Variants in ZSWIM5 observed in about 807,000 individuals in gnomAD.
The protein encoded by ZSWIM5 is zinc finger SWIM-type containing 5.
In ZSWIM5, 55 loss-of-function variants were observed where a neutral mutation model predicts 119.6. The ratio of observed to expected loss-of-function variants is 0.46; its 90% CI spans 0.37 to 0.58. The LOEUF (loss-of-function observed/expected upper bound fraction) is 0.58, where lower values mean the gene tolerates loss of function less well. Ranked by LOEUF, ZSWIM5 falls within the 20% of genes least tolerant of loss-of-function variation. ZSWIM5 has a pLI of 0.00. For missense variants in ZSWIM5, 1,193 were observed against 1,512.8 expected, an observed-to-expected ratio of 0.79 and a Z score of 3.51; for synonymous variants, 537 against 606.9, an observed-to-expected ratio of 0.88 and a Z score of 1.69.
chr1:45,035,899 C>A, intron 9 of ZSWIM5, 76 bp from the exon 10 acceptor site: 1 of 1,587,990 alleles, frequency 6.3e-7, no homozygotes, highest in South Asian at 1.1e-5. Flanking sequence ...CCCAGTATCT[C>A]ATGCATGTTT....
chr1:45,139,682 T>C (rs1038675562), intron 1 of ZSWIM5, among the ~76,000 whole-genome samples: 4 of 150,604 alleles, frequency 2.7e-5, no homozygotes, highest in African/African-American at 7.3e-5. Context: ...TTTCCTTCTT[T>C]TGCTTTCTTC....
chr1:45,107,819 T>C (rs1645491420), intron 1 of ZSWIM5, among the ~76,000 whole-genome samples: 1 of 151,814 alleles, frequency 6.6e-6, no homozygotes, highest in Non-Finnish European at 1.5e-5. Flanking sequence ...TGAGACAGGG[T>C]CTTGCTATGT....
intron 1 of ZSWIM5, among the ~76,000 whole-genome samples, chr1:45,128,486 A>G (rs1187190633): frequency 6.6e-6 from 1 of 152,176 alleles, no homozygotes; most frequent in Non-Finnish European, 1.5e-5. Context: ...GGTGTATGCC[A>G]CCGCCCCTGG....
chr1:45,091,380 C>T (rs953631538), intron 1 of ZSWIM5, among the ~76,000 whole-genome samples: 3 of 151,310 alleles, frequency 2.0e-5, no homozygotes, highest in Non-Finnish European at 2.9e-5. Flanking sequence ...GCCCCTGAGT[C>T]TAAAGGTGGC....
chr1:45,154,750 CA>C (rs1316725190), intron 1 of ZSWIM5, among the ~76,000 whole-genome samples: 1 of 152,092 alleles, frequency 6.6e-6, no homozygotes, highest in African/African-American at 2.4e-5. Context: ...GGCATGATGG[CA>C]GGCACCTGTA....
chr1:45,100,799 A>T (rs1176426561), intron 1 of ZSWIM5, among the ~76,000 whole-genome samples: 3 of 152,230 alleles, frequency 2.0e-5, no homozygotes, highest in Non-Finnish European at 4.4e-5. Flanking sequence ...AGAAATGGGG[A>T]AAGGATTCCC....
At chr1:45,153,518 A>C (rs1342085462) in intron 1 of ZSWIM5, among the ~76,000 whole-genome samples, 1 of 151,638 alleles carries the variant, frequency 6.6e-6, no homozygotes, top group Non-Finnish European at 1.5e-5. Flanking sequence ...AAAAAAAAAA[A>C]AGAATTAAAA....
In ZSWIM5 at chr1:45,088,882, T is replaced by A. The variant is rs1056237573; in HGVS notation, c.596-645A>T. On this transcript the variant is annotated intron_variant, in intron 1 of 13. Coordinates refer to ENST00000359600, the MANE Select transcript of ZSWIM5 (RefSeq NM_020883.2). The surrounding 1 kb of genome is among the most constrained non-coding windows in gnomAD (Gnocchi z 4.2). The stretch of plus-strand genomic sequence containing the variant: ...GCACACAGTAACAATAATTTTGAAA[T>A]GTAGGGAGAACCCATTTTTAACGTA... Among the ~76,000 whole-genome samples, 1 of 152,158 alleles carries A rather than the reference T, an allele frequency of 6.6e-6. No individual in the cohort carries two copies. The highest frequency in any genetic ancestry group is 1.5e-5 in the Non-Finnish European group (1 of 67,964).
chr1:45,068,141 T>A (rs1325545966), intron 2 of ZSWIM5, among the ~76,000 whole-genome samples: 1 of 148,612 alleles, frequency 6.7e-6, no homozygotes. Context: ...CTTACTCTAT[T>A]GCCCAGGCTG....
intron 1 of ZSWIM5, among the ~76,000 whole-genome samples, chr1:45,158,465 G>A (rs913950427): frequency 5.9e-5 from 9 of 152,060 alleles, no homozygotes; most frequent in Admixed American, 2.0e-4. Context: ...CATCGTGCCT[G>A]GTCTGAACTA....
intron 1 of ZSWIM5, among the ~76,000 whole-genome samples, chr1:45,143,100 A>C (rs1278662053): frequency 2.1e-5 from 3 of 145,130 alleles, no homozygotes; most frequent in Non-Finnish European, 4.5e-5. Flanking sequence ...TACACCTGGG[A>C]GGCAGAGGTT....
intron 4 of ZSWIM5, among the ~76,000 whole-genome samples, chr1:45,053,048 G>A (rs11801715): frequency 0.018 from 2,760 of 150,990 alleles, 86 homozygotes; most frequent in African/African-American, 0.064. Context: ...GGTTGAATCT[G>A]GGAGGCGGAG....
At chr1:45,053,950 CTG>C (rs1244376195) in intron 4 of ZSWIM5, among the ~76,000 whole-genome samples, 4 of 152,018 alleles carry the variant, frequency 2.6e-5, no homozygotes, top group Non-Finnish European at 2.9e-5. Context: ...ACTCACAAGA[CTG>C]TTATCAGTAT....
At chr1:45,163,465 C>T (rs1645877955) in intron 1 of ZSWIM5, among the ~76,000 whole-genome samples, 1 of 152,194 alleles carries the variant, frequency 6.6e-6, no homozygotes, top group Admixed American at 6.5e-5. Flanking sequence ...CAAAGCTAGA[C>T]AGAGAATGAC....
chr1:45,034,433 G>A lies in ZSWIM5; in HGVS notation c.2328C>T (p.Asp776=). The A allele has an allele frequency of 6.2e-7, 1 of 1,610,988 alleles. No individual in the cohort carries two copies. Among genetic ancestry groups the A allele is most frequent in the Non-Finnish European group, 8.5e-7 (1 of 1,178,914 alleles). ...PVLENSASAG[D]TSHPHHMVSV... ...ACACCATATGGTGAGGGTGGGATGT[G>A]TCGCCTGCAGAAGCTGAGTTTTCTA... The change falls in exon 11 of 14, where the codon GAC becomes GAT. Residue 776 remains aspartate (D), a synonymous_variant. Transcript: ENST00000359600.
chr1:45,131,661 G>A (rs1180178889), intron 1 of ZSWIM5, among the ~76,000 whole-genome samples: 2 of 148,942 alleles, frequency 1.3e-5, no homozygotes, highest in East Asian at 4.0e-4. Context: ...AGAGGTGGAG[G>A]TTGCAGTGAG....
Position 45,019,342 on chromosome 1 carries a change from C to T in ZSWIM5, c.2696-26G>A, listed in dbSNP as rs149693490. The T allele has an allele frequency of 3.0e-5, 48 of 1,591,952 alleles. No homozygotes were observed. Among genetic ancestry groups the T allele is most frequent in the Non-Finnish European group, 3.8e-5 (45 of 1,171,524 alleles). ...CTGTCAGGGGGAGCCTGAGCTCAGCCGTGGCCATCTGGGTCCTGATTCAGG... is the reference window on the plus strand; with the variant it reads ...CTGTCAGGGGGAGCCTGAGCTCAGCTGTGGCCATCTGGGTCCTGATTCAGG... On this transcript the variant is annotated intron_variant, in intron 13 of 13. Transcript: ENST00000359600. This position sits in a 1 kb window ranked among gnomAD's most constrained non-coding sequence, Gnocchi z 5.0.
chr1:45,094,023 A>ATATTTATTTATT (rs66921356), intron 1 of ZSWIM5, among the ~76,000 whole-genome samples: 1 of 134,372 alleles, frequency 7.4e-6, no homozygotes, highest in African/African-American at 2.8e-5. Flanking sequence ...TTTTATTTTT[A>ATATTTATTTATT]TATTTATTTA....
chr1:45,205,748 G>A lies in ZSWIM5; in HGVS notation c.595+8C>T, dbSNP rs1646184357. The A allele has an allele frequency of 6.4e-7, 1 of 1,559,888 alleles. No individual in the cohort carries two copies. The highest frequency in any genetic ancestry group is 8.6e-7 in the Non-Finnish European group (1 of 1,157,676). On this transcript the variant is annotated splice_region_variant and intron_variant, in intron 1 of 13. Transcript: ENST00000359600. ...TGAGGACCCGAGAACGCCTGGACGAGCACATACCGACTTGCAGCACGTTCT... is the reference window on the plus strand; with the variant it reads ...TGAGGACCCGAGAACGCCTGGACGAACACATACCGACTTGCAGCACGTTCT...
Sources: allele counts gnomAD v4.1 joint callset (sites outside exome capture counted in the v4.1 genomes callset), GRCh38; gene constraint gnomAD v4.1.1; non-coding constraint Gnocchi (gnomAD v3.1); transcripts MANE v1.5; gene names NCBI Gene and HGNC (gene_info 2026-07-23, HGNC 2026-07-21).